TLK1: variants seen among roughly 807,000 people sequenced by gnomAD.
The protein encoded by TLK1 is serine/threonine-protein kinase tousled-like 1.
A neutral mutation model predicts 105.3 loss-of-function variants in TLK1; 24 were observed. The ratio of observed to expected loss-of-function variants is 0.23; its 90% CI spans 0.17 to 0.32. The LOEUF (loss-of-function observed/expected upper bound fraction) is 0.32, where lower values mean the gene tolerates loss of function less well. Among genes scored for constraint, TLK1 ranks in the 10% least tolerant of loss-of-function variants. The probability of loss-of-function intolerance (pLI) is 1.00; values close to 1 mark genes in which losing one functional copy is unlikely to be tolerated. For synonymous variants in TLK1, 321 were observed against 310.4 expected (o/e 1.03, Z -0.36); for missense variants, 558 against 910.5 (o/e 0.61, Z 4.98).
At chr2:171,169,636 G>C (rs1177751713) in intron 1 of TLK1, among the ~76,000 whole-genome samples, 1 of 151,950 alleles carries the variant, frequency 6.6e-6, no homozygotes. Flanking sequence ...GCAGATTTTT[G>C]TTGTTAGCCT....
In TLK1 at chr2:171,005,806, T is replaced by C. The variant is rs537811580; in HGVS notation, c.1904+341A>G. Among the ~76,000 whole-genome samples the C allele has an allele frequency of 5.3e-5, 8 of 152,302 alleles. No homozygotes were observed. In the South Asian group the frequency reaches 1.7e-3, roughly 32 times the overall value. ...TTTGCTTGCAATAGTTAAAATATTA[T>C]ATTAACATAAGTATTTATATTTATG... On this transcript the variant is annotated intron_variant, in intron 18 of 20. Coordinates refer to ENST00000431350, the MANE Select transcript of TLK1 (RefSeq NM_012290.5).
chr2:171,052,517 A>C (rs1687289860), intron 8 of TLK1, among the ~76,000 whole-genome samples: 1 of 152,246 alleles, frequency 6.6e-6, no homozygotes, highest in Non-Finnish European at 1.5e-5. Context: ...AACACCTTAC[A>C]ATATTGCAAT....
At chr2:171,198,897 T>G (rs1693328241) in intron 1 of TLK1, among the ~76,000 whole-genome samples, 1 of 152,236 alleles carries the variant, frequency 6.6e-6, no homozygotes, top group African/African-American at 2.4e-5. Context: ...GTACTTTATT[T>G]AATAGATTCA....
chr2:171,016,004 G>T (rs2105375217), intron 12 of TLK1, among the ~76,000 whole-genome samples: 1 of 152,138 alleles, frequency 6.6e-6, no homozygotes, highest in Non-Finnish European at 1.5e-5. Context: ...CCTGAACCTG[G>T]GAAGTGGAAG....
intron 1 of TLK1, among the ~76,000 whole-genome samples, chr2:171,203,075 TA>T (rs1359037145): frequency 6.6e-6 from 1 of 152,118 alleles, no homozygotes; most frequent in Admixed American, 6.6e-5. Flanking sequence ...TCTTTAAAAT[TA>T]AAAAAATAAA....
intron 1 of TLK1, among the ~76,000 whole-genome samples, chr2:171,194,820 GAA>G (rs370489277): frequency 6.6e-4 from 62 of 94,372 alleles, no homozygotes; most frequent in Middle Eastern, 6.7e-3. Context: ...CCGTCTCAGG[GAA>G]AAAAAAAAAA....
intron 2 of TLK1, 56 bp from the exon 3 acceptor site, chr2:171,082,908 G>T (rs1688814026): frequency 8.2e-7 from 1 of 1,220,544 alleles, no homozygotes; most frequent in Non-Finnish European, 1.2e-6. Context: ...AAAGCAGCGG[G>T]AATAATTTTA....
intron 1 of TLK1, among the ~76,000 whole-genome samples, chr2:171,129,117 C>T (rs1261684541): frequency 1.3e-5 from 2 of 152,208 alleles, no homozygotes; most frequent in Non-Finnish European, 2.9e-5. Context: ...GGTAATTACC[C>T]TCTCCTCACT....
At chr2:171,053,458 G>C (rs370188488) in intron 8 of TLK1, among the ~76,000 whole-genome samples, 5 of 151,952 alleles carry the variant, frequency 3.3e-5, no homozygotes, top group Admixed American at 1.3e-4. Flanking sequence ...CACCTCCCGG[G>C]TTCAAGCATT....
intron 12 of TLK1, among the ~76,000 whole-genome samples, chr2:171,017,466 A>G (rs1685261523): frequency 6.6e-6 from 1 of 152,214 alleles, no homozygotes; most frequent in African/African-American, 2.4e-5. Context: ...GCATGGGGAG[A>G]CTATTTCAAC....
chr2:171,194,718 G>A (rs1016601750), intron 1 of TLK1, among the ~76,000 whole-genome samples: 4 of 150,232 alleles, frequency 2.7e-5, no homozygotes, highest in African/African-American at 5.0e-5. Context: ...TCCGGAGGCT[G>A]AGGCAGGAGA....
intron 3 of TLK1, among the ~76,000 whole-genome samples, chr2:171,070,184 T>A (rs1377988489): frequency 2.1e-5 from 3 of 145,196 alleles, no homozygotes; most frequent in African/African-American, 7.6e-5. Context: ...CCTTTTTAAA[T>A]TTTTTTTTTT....
At chr2:171,042,190 G>GTT (rs1463546922) in intron 11 of TLK1, among the ~76,000 whole-genome samples, 1 of 152,138 alleles carries the variant, frequency 6.6e-6, no homozygotes, top group Non-Finnish European at 1.5e-5. Flanking sequence ...CAAAATACCT[G>GTT]TGACAAACCA....
At chr2:171,184,946 C>A (rs1692998133) in intron 1 of TLK1, among the ~76,000 whole-genome samples, 1 of 152,094 alleles carries the variant, frequency 6.6e-6, no homozygotes, top group African/African-American at 2.4e-5. Flanking sequence ...TCAGGCCATT[C>A]TCCTGCCTCA....
intron 11 of TLK1, among the ~76,000 whole-genome samples, chr2:171,038,550 T>C (rs1411140490): frequency 6.6e-6 from 1 of 152,188 alleles, no homozygotes; most frequent in Non-Finnish European, 1.5e-5. Context: ...AAATCTTTCA[T>C]TTCAGAATTT....
intron 3 of TLK1, among the ~76,000 whole-genome samples, chr2:171,072,713 A>C (rs1185024270): frequency 6.6e-6 from 1 of 152,164 alleles, no homozygotes; most frequent in Non-Finnish European, 1.5e-5. Context: ...GGGTGCAGTG[A>C]GCTGAGATGA....
chr2:171,083,755 CA>C (rs1421403948), intron 2 of TLK1, among the ~76,000 whole-genome samples: 2 of 152,108 alleles, frequency 1.3e-5, no homozygotes, highest in South Asian at 2.1e-4. Flanking sequence ...TCCAAAGTGA[CA>C]ACTCTGAGCC....
chr2:171,036,112 G>A (rs1422541935), intron 11 of TLK1, among the ~76,000 whole-genome samples: 4 of 152,214 alleles, frequency 2.6e-5, no homozygotes, highest in African/African-American at 7.2e-5. Flanking sequence ...AAGTGGCTTT[G>A]GAACTGGGCA....
At chr2:171,204,963 G>GA (rs11376922) in intron 1 of TLK1, among the ~76,000 whole-genome samples, 104,443 of 149,748 alleles carry the variant, frequency 0.7, 36,685 homozygotes, top group East Asian at 0.97. Flanking sequence ...AAAAAAAAAA[G>GA]AAAAAAAAAG....
Sources: gnomAD v4.1 joint callset for allele counts (sites outside exome capture counted in the v4.1 genomes callset) on GRCh38, gnomAD v4.1.1 for gene constraint, MANE v1.5 for transcripts, NCBI Gene and HGNC (gene_info 2026-07-23, HGNC 2026-07-21) for gene names.